The following TENM2 variants were observed in gnomAD, a reference collection of about 807,000 sequenced individuals.
The protein encoded by TENM2 is teneurin-2.
TENM2 carries 52 observed loss-of-function variants against 245.2 expected under a neutral mutation model. The ratio of observed to expected loss-of-function variants is 0.21; its 90% CI spans 0.17 to 0.27. TENM2 has a LOEUF of 0.27. Ranked by LOEUF, TENM2 falls within the 10% of genes least tolerant of loss-of-function variation. The pLI is 1.00. For missense variants in TENM2, 3,046 were observed against 3,666.8 expected, an observed-to-expected ratio of 0.83 and a Z score of 4.37; for synonymous variants, 1,363 against 1,438.9, an observed-to-expected ratio of 0.95 and a Z score of 1.19.
At chr5:166,986,368 A>C in the TENM2 span, among the ~76,000 whole-genome samples, 1 of 152,288 alleles carries the variant, frequency 6.6e-6, no homozygotes, top group South Asian at 2.1e-4. Context: ...TAATGGGATC[A>C]ATCTTGAGCA....
intron 9 of TENM2, among the ~76,000 whole-genome samples, chr5:168,113,465 G>T (rs1239246982): frequency 6.6e-6 from 1 of 152,100 alleles, no homozygotes; most frequent in African/African-American, 2.4e-5. Context: ...TTTTCCCTCT[G>T]CTTTTATGAC....
chr5:167,842,301 A>AG (rs1769602149), intron 2 of TENM2, among the ~76,000 whole-genome samples: 1 of 152,138 alleles, frequency 6.6e-6, no homozygotes, highest in South Asian at 2.1e-4. Flanking sequence ...AACAAAAAAA[A>AG]CTTTAGGCCA....
chr5:167,684,025 G>A (rs1756914748), intron 2 of TENM2, among the ~76,000 whole-genome samples: 1 of 152,148 alleles, frequency 6.6e-6, no homozygotes, highest in South Asian at 2.1e-4. Context: ...AAACCAGAAG[G>A]TCTCCTCCTG....
chr5:168,180,217 A>G (rs1759746681), intron 13 of TENM2, among the ~76,000 whole-genome samples: 1 of 152,202 alleles, frequency 6.6e-6, no homozygotes, highest in South Asian at 2.1e-4. Flanking sequence ...ACTGTTTTCC[A>G]ACGTGCATGG....
At chr5:167,324,005 A>G (rs960271348) in intron 1 of TENM2, among the ~76,000 whole-genome samples, 3 of 152,196 alleles carry the variant, frequency 2.0e-5, no homozygotes, top group African/African-American at 7.2e-5. Flanking sequence ...TATTAGTCTG[A>G]AAGATCTGAG....
intron 2 of TENM2, among the ~76,000 whole-genome samples, chr5:167,399,431 C>G (rs10085006): frequency 0.018 from 2,761 of 152,300 alleles, 40 homozygotes; most frequent in Middle Eastern, 0.054. Flanking sequence ...TCATTCTGAA[C>G]ACAAGTTATC....
chr5:167,413,665 T>G (rs1763021728), intron 2 of TENM2, among the ~76,000 whole-genome samples: 1 of 152,112 alleles, frequency 6.6e-6, no homozygotes, highest in African/African-American at 2.4e-5. Flanking sequence ...ACCCTATGCT[T>G]TACGTATAGA....
At chr5:167,019,736 C>G in the TENM2 span, among the ~76,000 whole-genome samples, 629 of 152,180 alleles carry the variant, frequency 4.1e-3, 4 homozygotes, top group African/African-American at 0.014. Flanking sequence ...TCCCAAAATG[C>G]TGGAATTACA....
At chr5:167,928,375 A>T (rs1292300161) in intron 3 of TENM2, among the ~76,000 whole-genome samples, 1 of 152,168 alleles carries the variant, frequency 6.6e-6, no homozygotes, top group African/African-American at 2.4e-5. Flanking sequence ...AAATTTGAAG[A>T]CATTCATTTC....
intron 2 of TENM2, among the ~76,000 whole-genome samples, chr5:167,680,581 G>T (rs1756639132): frequency 6.6e-6 from 1 of 152,086 alleles, no homozygotes; most frequent in Non-Finnish European, 1.5e-5. Context: ...GCTTAGTTTG[G>T]CCAAGGTGTG....
Position 167,947,552 on chromosome 5 carries a change from G to C in TENM2, c.713-5036G>C, listed in dbSNP as rs1456397760. 2.0e-5 allele frequency among the ~76,000 whole-genome samples: 3 copies of C among 152,134 alleles called. No homozygotes were observed. In the East Asian group the frequency reaches 5.8e-4, roughly 29 times the overall value. ...TCCTCCTTGGATCTAACCAGACACT[G>C]TTATTCTTGAAAATCCTCACCCCCA... On this transcript the variant is annotated intron_variant, in intron 3 of 28. Coordinates refer to ENST00000518659, the Ensembl canonical transcript of TENM2.
At chr5:167,120,976 A>G in the TENM2 span, among the ~76,000 whole-genome samples, 2 of 152,136 alleles carry the variant, frequency 1.3e-5, no homozygotes, top group Non-Finnish European at 1.5e-5. Context: ...CATGGCATTA[A>G]TGAGCTAAAG....
intron 3 of TENM2, among the ~76,000 whole-genome samples, chr5:167,914,512 C>T (rs1776779173): frequency 6.6e-6 from 1 of 152,174 alleles, no homozygotes; most frequent in Non-Finnish European, 1.5e-5. Context: ...GATAATCTCT[C>T]CATCTCAACG....
chr5:167,839,340 T>C (rs1769274446), intron 2 of TENM2, among the ~76,000 whole-genome samples: 1 of 152,234 alleles, frequency 6.6e-6, no homozygotes, highest in South Asian at 2.1e-4. Flanking sequence ...ACTGATGATT[T>C]ATTGTTTTCC....
In TENM2 at chr5:167,799,825, A is replaced by G. The variant is rs1765578870; in HGVS notation, c.503-76161A>G. On this transcript the variant is annotated intron_variant, in intron 2 of 28. Transcript: ENST00000518659. Reference sequence around the variant, plus strand: ...TATCCCCAGTCTAAATACATTATCTATGATGATCACAGTTTGATCATCAGT... The same window carrying G: ...TATCCCCAGTCTAAATACATTATCTGTGATGATCACAGTTTGATCATCAGT... Among the ~76,000 whole-genome samples, 5 of 152,230 alleles carry G rather than the reference A, an allele frequency of 3.3e-5. No individual in the cohort carries two copies. The South Asian group carries it at 6.2e-4, about 19-fold the overall frequency.
intron 3 of TENM2, among the ~76,000 whole-genome samples, chr5:167,884,844 A>G (rs1024765845): frequency 6.6e-6 from 1 of 152,170 alleles, no homozygotes; most frequent in African/African-American, 2.4e-5. Flanking sequence ...TGTTTTGTAC[A>G]GTGTCTGTAC....
rs112197382 is a variant in TENM2 at position 167,312,700 on chromosome 5, GA to G, written c.226+27647del. Among the ~76,000 whole-genome samples the G allele has an allele frequency of 1.7e-3, 255 of 146,966 alleles. 3 individuals are homozygous for G. The highest frequency in any genetic ancestry group is 5.7e-3 in the African/African-American group (227 of 40,132). ...ATTTGCTACATAAACCTGAACAAAA[GA>G]AAAAAAAAACTTGTGAGAGATGCTT... On this transcript the variant is annotated intron_variant, in intron 1 of 28. Coordinates refer to ENST00000518659, the Ensembl canonical transcript of TENM2.
chr5:167,612,883 A>T (rs1205460771), intron 2 of TENM2, among the ~76,000 whole-genome samples: 1 of 152,112 alleles, frequency 6.6e-6, no homozygotes, highest in Non-Finnish European at 1.5e-5. Flanking sequence ...TCAGAAATGG[A>T]TGTGTCCACT....
At chr5:167,497,099 A>G (rs542328689) in intron 2 of TENM2, among the ~76,000 whole-genome samples, 1 of 152,104 alleles carries the variant, frequency 6.6e-6, no homozygotes, top group Non-Finnish European at 1.5e-5. Flanking sequence ...GGACCATGTT[A>G]TGATATTAAA....
Sources: allele counts gnomAD v4.1 joint callset (sites outside exome capture counted in the v4.1 genomes callset), GRCh38; gene constraint gnomAD v4.1.1; transcripts MANE v1.5; gene names NCBI Gene and HGNC (gene_info 2026-07-23, HGNC 2026-07-21).